MTRES1: variants seen among roughly 807,000 people sequenced by gnomAD.
The protein encoded by MTRES1 is mitochondrial transcription rescue factor 1.
A neutral mutation model predicts 17.4 loss-of-function variants in MTRES1; 11 were observed. The ratio of observed to expected loss-of-function variants is 0.63; its 90% CI spans 0.40 to 1.05. The LOEUF (loss-of-function observed/expected upper bound fraction) is 1.05, where lower values mean the gene tolerates loss of function less well. MTRES1 is among the 50% of genes least tolerant of loss of function. MTRES1 has a pLI of 0.00. For synonymous variants in MTRES1, 94 were observed against 99.6 expected (o/e 0.94, Z 0.34); for missense variants, 268 against 276.2 (o/e 0.97, Z 0.21).
At chr6:107,032,178 A>G (rs1773868181) in intron 1 of MTRES1, among the ~76,000 whole-genome samples, 1 of 152,134 alleles carries the variant, frequency 6.6e-6, no homozygotes, top group South Asian at 2.1e-4. Context: ...AGGTTTGTGT[A>G]ATTGCTTGCT....
intron 3 of MTRES1, among the ~76,000 whole-genome samples, chr6:107,050,551 C>CTTTTTTTTTTTTTTTTTTTTTTTTTT (rs142268482): frequency 1.2e-5 from 1 of 81,514 alleles, no homozygotes; most frequent in Non-Finnish European, 2.2e-5. Flanking sequence ...CTCTCCCTTT[C>CTTTTTTTTTTTTTTTTTTTTTTTTTT]TTTTTTTTTT....
At chr6:107,036,648 C>T (rs959741032) in intron 1 of MTRES1, among the ~76,000 whole-genome samples, 4 of 152,014 alleles carry the variant, frequency 2.6e-5, no homozygotes, top group Non-Finnish European at 5.9e-5. Context: ...TCGAGACCAT[C>T]CTGTCTAACA....
intron 1 of MTRES1, among the ~76,000 whole-genome samples, chr6:107,036,752 AGAATGGC>A (rs782341809): frequency 1.1e-4 from 16 of 151,784 alleles, no homozygotes; most frequent in East Asian, 9.7e-4. Context: ...CTGAGGCAGG[AGAATGGC>A]GAATGGCGTG....
chr6:107,044,082 A>G (rs369777796), intron 2 of MTRES1, among the ~76,000 whole-genome samples, 178 bp from the exon 3 acceptor site: 458 of 152,342 alleles, frequency 3.0e-3, no homozygotes, highest in African/African-American at 0.011. Flanking sequence ...AGATGGCGCC[A>G]CTGCACTCCA....
chr6:107,046,993 G>A (rs993725582), intron 3 of MTRES1, among the ~76,000 whole-genome samples: 197 of 147,860 alleles, frequency 1.3e-3, no homozygotes, highest in Non-Finnish European at 2.5e-3. Flanking sequence ...TAGTAGAGAC[G>A]GGGTTTCACT....
At chr6:107,046,046 T>C (rs1359927327) in intron 3 of MTRES1, among the ~76,000 whole-genome samples, 1 of 152,212 alleles carries the variant, frequency 6.6e-6, no homozygotes, top group African/African-American at 2.4e-5. Flanking sequence ...TCCCCCAAGC[T>C]GTCTCAGCCC....
intron 1 of MTRES1, among the ~76,000 whole-genome samples, chr6:107,037,388 A>G (rs1162345893): frequency 1.5e-4 from 23 of 151,584 alleles, no homozygotes; most frequent in African/African-American, 5.6e-4. Flanking sequence ...TTTTCGTACT[A>G]AAAGTAGAGA....
chr6:107,047,382 G>A (rs1283054865), intron 3 of MTRES1, among the ~76,000 whole-genome samples: 1 of 151,430 alleles, frequency 6.6e-6, no homozygotes. Flanking sequence ...CACCACGTCT[G>A]GTTAATTTTT....
At chr6:107,029,986 A>G (rs1280055382) in intron 1 of MTRES1, 6 of 669,612 alleles carry the variant, frequency 9.0e-6, no homozygotes, top group African/African-American at 7.6e-5. Context: ...TATAATTTAC[A>G]GGGTGTTTTT....
At position 107,044,313 on chromosome 6, in the gene MTRES1, T is replaced by G; in HGVS notation, c.524T>G (p.Leu175Ter). 1 of 1,613,718 alleles carries G rather than the reference T, an allele frequency of 6.2e-7. No homozygotes were observed. Among genetic ancestry groups the G allele is most frequent in the Non-Finnish European group, 8.5e-7 (1 of 1,179,752 alleles). ...KGELRLNEEK[L>*]WKKSRTVKVG... ...GAACTCAGGCTGAATGAGGAAAAAT[T>G]ATGGAAGAAAAGCAGAACGGTGAGA... The change falls in exon 3 of 4, where the codon TTA becomes TGA. Residue 175 changes from leucine (L) to a stop codon, truncating the protein, a stop_gained. Coordinates refer to ENST00000311381, the MANE Select transcript of MTRES1 (RefSeq NM_016487.5). LOFTEE classifies it high-confidence loss of function.
intron 1 of MTRES1, chr6:107,030,148 G>A: frequency 1.4e-6 from 1 of 718,578 alleles, no homozygotes; most frequent in Non-Finnish European, 2.6e-6. Context: ...TGTTGCTGAA[G>A]CTGAATTTGC....
intron 1 of MTRES1, chr6:107,028,944 C>T: frequency 3.5e-6 from 3 of 868,814 alleles, no homozygotes; most frequent in Non-Finnish European, 4.1e-6. Flanking sequence ...CAGGGTCCAT[C>T]ATTGCGTGTT....
At chr6:107,041,742 A>G (rs1554227799) in intron 2 of MTRES1, among the ~76,000 whole-genome samples, 1 of 151,868 alleles carries the variant, frequency 6.6e-6, no homozygotes, top group African/African-American at 2.4e-5. Context: ...GTTAGCCAGG[A>G]TGGTCTCGAT....
intron 1 of MTRES1, among the ~76,000 whole-genome samples, chr6:107,037,386 C>G (rs1554227059): frequency 1.3e-5 from 2 of 151,714 alleles, no homozygotes; most frequent in African/African-American, 4.8e-5. Context: ...AATTTTCGTA[C>G]TAAAAGTAGA....
chr6:107,041,452 A>G (rs1774211697), intron 2 of MTRES1, among the ~76,000 whole-genome samples: 1 of 152,208 alleles, frequency 6.6e-6, no homozygotes, highest in Non-Finnish European at 1.5e-5. Flanking sequence ...AGTACTCAAC[A>G]TATGTTGGCT....
At chr6:107,035,290 T>C (rs1396714442) in intron 1 of MTRES1, among the ~76,000 whole-genome samples, 2 of 151,886 alleles carry the variant, frequency 1.3e-5, no homozygotes, top group African/African-American at 4.8e-5. Context: ...CGCACCACCA[T>C]GCCCAGCTAA....
intron 1 of MTRES1, among the ~76,000 whole-genome samples, chr6:107,036,718 C>T (rs528518632): frequency 2.2e-4 from 34 of 151,998 alleles, no homozygotes; most frequent in Admixed American, 1.5e-3. Context: ...TGGTGGGCAC[C>T]TGTAGTCCCA....
chr6:107,036,579 C>A (rs1328825067), intron 1 of MTRES1, among the ~76,000 whole-genome samples: 1 of 151,914 alleles, frequency 6.6e-6, no homozygotes, highest in Non-Finnish European at 1.5e-5. Context: ...TGCGGTGACT[C>A]ACGCCTCTAA....
At chr6:107,033,135 C>A (rs1275051993) in intron 1 of MTRES1, among the ~76,000 whole-genome samples, 1 of 152,144 alleles carries the variant, frequency 6.6e-6, no homozygotes, top group Admixed American at 6.6e-5. Context: ...TGCAACCATT[C>A]ACTGGTTTTG....
Sources: allele counts gnomAD v4.1 joint callset (sites outside exome capture counted in the v4.1 genomes callset), GRCh38; gene constraint gnomAD v4.1.1; transcripts MANE v1.5; gene names NCBI Gene and HGNC (gene_info 2026-07-23, HGNC 2026-07-21).